The following CNTLN variants were observed in gnomAD, a reference collection of about 807,000 sequenced individuals.
The protein encoded by CNTLN is centlein, centrosomal protein.
A neutral mutation model predicts 180.0 loss-of-function variants in CNTLN; 212 were observed. The ratio of observed to expected loss-of-function variants is 1.18; its 90% CI spans 1.05 to 1.32. The LOEUF (loss-of-function observed/expected upper bound fraction) is 1.32. CNTLN is among the 40% of genes most tolerant of loss of function. The pLI is 0.00. For missense variants in CNTLN, 2,095 were observed against 1,610.9 expected, an observed-to-expected ratio of 1.30 and a Z score of -5.14; for synonymous variants, 722 against 563.1, an observed-to-expected ratio of 1.28 and a Z score of -3.99.
chr9:17,183,696 G>A (rs981456309), intron 2 of CNTLN, among the ~76,000 whole-genome samples: 5 of 151,814 alleles, frequency 3.3e-5, no homozygotes, highest in African/African-American at 1.2e-4. Flanking sequence ...AAAGGCAAAT[G>A]AACTAGATAT....
chr9:17,217,208 T>C (rs1270785387), intron 2 of CNTLN, among the ~76,000 whole-genome samples: 2 of 152,250 alleles, frequency 1.3e-5, no homozygotes, highest in Non-Finnish European at 2.9e-5. Flanking sequence ...AAATTTAATC[T>C]TTATACACAT....
At chr9:17,281,518 G>A (rs899095651) in intron 6 of CNTLN, among the ~76,000 whole-genome samples, 1 of 151,902 alleles carries the variant, frequency 6.6e-6, no homozygotes, top group Non-Finnish European at 1.5e-5. Context: ...TCATTGTTCA[G>A]CTCCCACTAC....
intron 6 of CNTLN, among the ~76,000 whole-genome samples, chr9:17,295,985 AGAGAGAGAGAGAGTGTGTGT>A (rs1446389266): frequency 1.4e-4 from 14 of 99,690 alleles, no homozygotes; most frequent in African/African-American, 7.1e-4. Context: ...AGAGAGAGAG[AGAGAGAGAGAGAGTGTGTGT>A]GTGTGTGTGT....
chr9:17,350,556 C>A (rs1410423965), intron 12 of CNTLN, among the ~76,000 whole-genome samples: 1 of 152,032 alleles, frequency 6.6e-6, no homozygotes, highest in Non-Finnish European at 1.5e-5. Flanking sequence ...AAAGAGGTAA[C>A]GCAAATCTCT....
At chr9:17,325,378 ATGTGTGTGTGTGTGTGTG>A (rs74311460) in intron 8 of CNTLN, among the ~76,000 whole-genome samples, 1 of 128,090 alleles carries the variant, frequency 7.8e-6, no homozygotes, top group Non-Finnish European at 1.7e-5. Context: ...ATGTGTATGT[ATGTGTGTGTGTGTGTGTG>A]TGTGTGTGTG....
At chr9:17,450,651 A>G (rs1830728887) in intron 18 of CNTLN, among the ~76,000 whole-genome samples, 1 of 152,184 alleles carries the variant, frequency 6.6e-6, no homozygotes. Flanking sequence ...TACTAGCAAA[A>G]GCATTGGTGA....
At chr9:17,171,141 A>T (rs1002192436) in intron 2 of CNTLN, among the ~76,000 whole-genome samples, 1 of 152,212 alleles carries the variant, frequency 6.6e-6, no homozygotes, top group East Asian at 1.9e-4. Flanking sequence ...TGACAATTCA[A>T]ATATCTGCAC....
the CNTLN span, among the ~76,000 whole-genome samples, chr9:17,526,939 G>T: frequency 2.6e-5 from 4 of 151,968 alleles, no homozygotes. Context: ...GTTCTGTTGT[G>T]CAATCTCAGC....
At chr9:17,414,043 C>T (rs1208414703) in intron 16 of CNTLN, among the ~76,000 whole-genome samples, 1 of 151,878 alleles carries the variant, frequency 6.6e-6, no homozygotes, top group Non-Finnish European at 1.5e-5. Flanking sequence ...AAGGAGCTAA[C>T]TATTGACGTA....
intron 16 of CNTLN, among the ~76,000 whole-genome samples, chr9:17,413,864 T>G (rs1828034206): frequency 6.6e-6 from 1 of 152,074 alleles, no homozygotes; most frequent in Non-Finnish European, 1.5e-5. Context: ...CTTAGACACA[T>G]CCCACAGACA....
chr9:17,321,047 C>T (rs1335417584), intron 8 of CNTLN, among the ~76,000 whole-genome samples: 1 of 152,002 alleles, frequency 6.6e-6, no homozygotes, highest in Admixed American at 6.6e-5. Flanking sequence ...AAATTTATTC[C>T]TTTATTATCT....
At chr9:17,452,421 C>T (rs773307807) in intron 18 of CNTLN, among the ~76,000 whole-genome samples, 1 of 152,132 alleles carries the variant, frequency 6.6e-6, no homozygotes, top group Non-Finnish European at 1.5e-5. Flanking sequence ...CAATGCTGTA[C>T]TTAGCTTCTA....
rs543883215 is a variant in CNTLN at position 17,399,752 on chromosome 9, C to T, written c.2615+4683C>T. 1.1e-3 allele frequency among the ~76,000 whole-genome samples: 163 copies of T among 152,244 alleles called. 1 individual carries two copies. Among genetic ancestry groups the T allele is most frequent in the Middle Eastern group, 0.01 (3 of 294 alleles). ...CTAGAATGACTCTGTGACCTTCTCC[C>T]CTGAAACAGATTATAAGATCCTCAC... On this transcript the variant is annotated intron_variant, in intron 15 of 25. Transcript: ENST00000380647.
chr9:17,462,077 T>G (rs1439282693), intron 19 of CNTLN, among the ~76,000 whole-genome samples: 1 of 151,790 alleles, frequency 6.6e-6, no homozygotes, highest in African/African-American at 2.4e-5. Context: ...AGGTTTTCTA[T>G]CAGTTACCAT....
chr9:17,394,193 T>C (rs1258835034), intron 14 of CNTLN, among the ~76,000 whole-genome samples: 1 of 152,170 alleles, frequency 6.6e-6, no homozygotes, highest in Non-Finnish European at 1.5e-5. Context: ...TAGACATTTG[T>C]GTATATTATT....
chr9:17,373,939 A>G lies in CNTLN; in HGVS notation c.1987+7222A>G, dbSNP rs951236601. Among the ~76,000 whole-genome samples the G allele has an allele frequency of 2.6e-5, 4 of 152,210 alleles. No individual in the cohort carries two copies. In the South Asian group the frequency reaches 6.2e-4, roughly 24 times the overall value. ...TGCGTAAGAATGAAACTAGTCCCCT[A>G]TGTCTTGCCATATACAAAAATCAAA... On this transcript the variant is annotated intron_variant, in intron 13 of 25. Transcript: ENST00000380647.
intron 23 of CNTLN, among the ~76,000 whole-genome samples, chr9:17,482,992 C>A (rs1832725088): frequency 6.6e-6 from 1 of 151,878 alleles, no homozygotes; most frequent in Non-Finnish European, 1.5e-5. Context: ...AAGTATCCCG[C>A]TAAATTCAAA....
chr9:17,494,735 C>T (rs7861498), intron 25 of CNTLN, among the ~76,000 whole-genome samples: 54,625 of 151,942 alleles, frequency 0.36, 10,120 homozygotes, highest in East Asian at 0.52. Context: ...ACATTACTCT[C>T]GTTTGTGGTA....
At chr9:17,426,529 T>G (rs1035381999) in intron 18 of CNTLN, among the ~76,000 whole-genome samples, 2 of 151,918 alleles carry the variant, frequency 1.3e-5, no homozygotes, top group African/African-American at 4.8e-5. Flanking sequence ...TGTATTTATA[T>G]CCATATGTAC....
Sources: allele counts gnomAD v4.1 joint callset (sites outside exome capture counted in the v4.1 genomes callset), GRCh38; gene constraint gnomAD v4.1.1; transcripts MANE v1.5; gene names NCBI Gene and HGNC (gene_info 2026-07-23, HGNC 2026-07-21).